The following UBR1 variants were observed in gnomAD, a reference collection of about 807,000 sequenced individuals.
The protein encoded by UBR1 is E3 ubiquitin-protein ligase UBR1.
Under a neutral mutation model 242.1 loss-of-function variants are expected in UBR1, and 102 were observed. The ratio of observed to expected loss-of-function variants is 0.42; its 90% CI spans 0.36 to 0.50. The LOEUF is 0.50. UBR1 is among the 20% of genes least tolerant of loss of function. The pLI, the probability that UBR1 is intolerant of heterozygous loss-of-function variation, is 0.01. For missense variants in UBR1, 1,772 were observed against 2,101.8 expected (o/e 0.84, Z 3.07); for synonymous variants, 675 against 684.8 (o/e 0.99, Z 0.22).
At chr15:43,101,159 C>T (rs2034229714) in intron 1 of UBR1, among the ~76,000 whole-genome samples, 1 of 152,166 alleles carries the variant, frequency 6.6e-6, no homozygotes, top group Admixed American at 6.5e-5. Flanking sequence ...GAGAATGTAA[C>T]AGGAAATGAG....
intron 35 of UBR1, among the ~76,000 whole-genome samples, chr15:42,986,892 C>A (rs973362538): frequency 6.6e-6 from 1 of 152,216 alleles, no homozygotes; most frequent in Admixed American, 6.5e-5. Context: ...GGTCCCCACC[C>A]GGAGCTTCCC....
chr15:42,984,928 C>T lies in UBR1; in HGVS notation c.4012G>A (p.Asp1338Asn). 6.2e-7 allele frequency: 1 copy of T among 1,610,086 alleles called. No individual in the cohort carries two copies. The highest frequency in any genetic ancestry group is 1.3e-5 in the African/African-American group (1 of 74,904). The change falls in exon 36 of 47, where the codon GAT (aspartate) becomes AAT (asparagine). Residue 1338 changes from aspartate (D) to asparagine (N), a missense_variant. Coordinates refer to ENST00000290650, the MANE Select transcript of UBR1 (RefSeq NM_174916.3). ...TIQAIENLLG[D>N]EGKPLFGALQ... ...GCTCCAAACAGAGGTTTTCCTTCATCTCCCAATAGATTTTCTCAAAGAATA... is the reference window on the plus strand; with the variant it reads ...GCTCCAAACAGAGGTTTTCCTTCATTTCCCAATAGATTTTCTCAAAGAATA...
chr15:43,100,574 T>A (rs1246208277), intron 1 of UBR1, among the ~76,000 whole-genome samples: 1 of 152,188 alleles, frequency 6.6e-6, no homozygotes, highest in Non-Finnish European at 1.5e-5. Context: ...TGGTGGCTCA[T>A]ACCTGTAATC....
chr15:43,029,346 T>C (rs1298789535), intron 21 of UBR1, among the ~76,000 whole-genome samples: 1 of 152,186 alleles, frequency 6.6e-6, no homozygotes, highest in Non-Finnish European at 1.5e-5. Flanking sequence ...GACATCTGAT[T>C]ACAGGGAGTA....
intron 25 of UBR1, 37 bp from the exon 26 acceptor site, chr15:43,022,838 T>C: frequency 8.3e-7 from 1 of 1,205,458 alleles, no homozygotes; most frequent in Non-Finnish European, 1.2e-6. Flanking sequence ...AAAATTGCGC[T>C]TCTTCAGGTA....
intron 38 of UBR1, among the ~76,000 whole-genome samples, chr15:42,977,312 G>C (rs528578026): frequency 6.6e-6 from 1 of 152,274 alleles, no homozygotes; most frequent in African/African-American, 2.4e-5. Flanking sequence ...TAGATAATGA[G>C]GGGGATGAGG....
At chr15:43,026,913 A>G (rs557494783) in intron 22 of UBR1, among the ~76,000 whole-genome samples, 18 of 152,262 alleles carry the variant, frequency 1.2e-4, no homozygotes, top group South Asian at 8.3e-4. Flanking sequence ...GTTTTATACT[A>G]TCTAGAACTG....
intron 1 of UBR1, among the ~76,000 whole-genome samples, chr15:43,098,375 T>C (rs2034185861): frequency 6.6e-6 from 1 of 152,166 alleles, no homozygotes; most frequent in African/African-American, 2.4e-5. Flanking sequence ...TGACACGAAG[T>C]GAGCACACAA....
chr15:43,059,772 T>C lies in UBR1; in HGVS notation c.915A>G (p.Ser305=). The change falls in exon 8 of 47, where the codon TCA becomes TCG. Residue 305 remains serine (S), a synonymous_variant. Coordinates refer to ENST00000290650, the MANE Select transcript of UBR1 (RefSeq NM_174916.3). ...QHPLHVEVLH[S]EIMAHQKFAL... Reference sequence around the variant, plus strand: ...CAAATTTCTGATGAGCCATAATCTCTGAGTGTAATACTTCTACATGAAGTG... The same window carrying C: ...CAAATTTCTGATGAGCCATAATCTCCGAGTGTAATACTTCTACATGAAGTG... 2 of 1,614,150 alleles carry C rather than the reference T, an allele frequency of 1.2e-6. No homozygotes were observed. Among genetic ancestry groups the C allele is most frequent in the Non-Finnish European group, 1.7e-6 (2 of 1,180,004 alleles).
chr15:43,006,549 C>T (rs572465139), intron 30 of UBR1, among the ~76,000 whole-genome samples: 4 of 152,260 alleles, frequency 2.6e-5, no homozygotes, highest in East Asian at 3.9e-4. Flanking sequence ...GGATTACAGG[C>T]GTGAGCCACC....
intron 1 of UBR1, among the ~76,000 whole-genome samples, chr15:43,086,964 T>C (rs911055941): frequency 8.5e-5 from 13 of 152,222 alleles, no homozygotes; most frequent in Middle Eastern, 3.4e-3. Flanking sequence ...TGCCTGTGAA[T>C]AGGCACCGCA....
chr15:43,007,050 C>T (rs375711505), intron 30 of UBR1, 29 bp downstream of exon 30: 4 of 1,609,064 alleles, frequency 2.5e-6, no homozygotes, highest in African/African-American at 1.3e-5. Context: ...AAGAAATGCA[C>T]AAAAGGATAT....
At chr15:43,083,542 A>G (rs931325529) in intron 2 of UBR1, among the ~76,000 whole-genome samples, 13 of 151,602 alleles carry the variant, frequency 8.6e-5, no homozygotes, top group Non-Finnish European at 1.5e-4. Context: ...CACCACGCCC[A>G]GCTAATTATT....
chr15:43,004,669 G>A (rs1378460695), intron 30 of UBR1, among the ~76,000 whole-genome samples: 1 of 152,210 alleles, frequency 6.6e-6, no homozygotes, highest in Non-Finnish European at 1.5e-5. Context: ...ACGGAGTCTC[G>A]CTCACTCAGT....
intron 44 of UBR1, among the ~76,000 whole-genome samples, chr15:42,954,992 C>T (rs1035337849): frequency 6.6e-6 from 1 of 152,036 alleles, no homozygotes; most frequent in Admixed American, 6.6e-5. Flanking sequence ...GATAGTGAAA[C>T]CCTGCCTCTA....
chr15:43,061,599 A>G (rs2033687977), intron 6 of UBR1, among the ~76,000 whole-genome samples: 1 of 152,110 alleles, frequency 6.6e-6, no homozygotes, highest in East Asian at 1.9e-4. Context: ...GTATATATAC[A>G]CATACACAGG....
rs183530500 is a variant in UBR1, at chr15:43,025,434, A to T, written c.2536-5T>A. 1 of 1,597,762 alleles carries T rather than the reference A, an allele frequency of 6.3e-7. No homozygotes were observed. Among genetic ancestry groups the T allele is most frequent in the East Asian group, 2.2e-5 (1 of 44,668 alleles). ...TTTCTTCTGCATATGTTCAGCCTAT[A>T]AAAAAATCTATCATTAAATATACTG... On this transcript the variant is annotated splice_region_variant and splice_polypyrimidine_tract_variant and intron_variant, in intron 23 of 46. Transcript: ENST00000290650.
At chr15:42,969,545 C>G (rs990860619) in intron 40 of UBR1, among the ~76,000 whole-genome samples, 4 of 152,130 alleles carry the variant, frequency 2.6e-5, no homozygotes, top group Admixed American at 2.0e-4. Flanking sequence ...TCAATTTTGG[C>G]TTTTGTTGCA....
intron 34 of UBR1, among the ~76,000 whole-genome samples, chr15:42,989,702 T>C (rs2032526417): frequency 6.6e-6 from 1 of 152,198 alleles, no homozygotes; most frequent in Admixed American, 6.5e-5. Flanking sequence ...AAGTTAGATG[T>C]AATTTTAAAT....
Sources: gnomAD v4.1 joint callset for allele counts (sites outside exome capture counted in the v4.1 genomes callset) on GRCh38, gnomAD v4.1.1 for gene constraint, MANE v1.5 for transcripts, NCBI Gene and HGNC (gene_info 2026-07-23, HGNC 2026-07-21) for gene names.